STRN3: variants seen among roughly 807,000 people sequenced by gnomAD.
STRN3 encodes striatin 3.
Under a neutral mutation model 95.6 loss-of-function variants are expected in STRN3, and 29 were observed. That is an observed-to-expected ratio of 0.30 (90% CI 0.23 to 0.41). The LOEUF is 0.41. STRN3 is among the 10% of genes least tolerant of loss of function. The pLI, the probability that STRN3 is intolerant of heterozygous loss-of-function variation, is 1.00. For synonymous variants in STRN3, 331 were observed against 357.6 expected, an observed-to-expected ratio of 0.93 and a Z score of 0.84; for missense variants, 890 against 972.1, an observed-to-expected ratio of 0.92 and a Z score of 1.12.
chr14:30,937,100 C>A (rs1209538235), intron 5 of STRN3, among the ~76,000 whole-genome samples: 1 of 151,870 alleles, frequency 6.6e-6, no homozygotes, highest in Non-Finnish European at 1.5e-5. Context: ...AGGGGAAGAT[C>A]GCTTGAGCCT....
intron 8 of STRN3, among the ~76,000 whole-genome samples, chr14:30,925,628 A>G (rs937656815): frequency 6.6e-6 from 1 of 152,214 alleles, no homozygotes; most frequent in Non-Finnish European, 1.5e-5. Context: ...ATTACACAGT[A>G]GGGTGACTAC....
intron 8 of STRN3, among the ~76,000 whole-genome samples, chr14:30,927,188 C>G (rs112024461): frequency 6.6e-6 from 1 of 151,898 alleles, no homozygotes; most frequent in Non-Finnish European, 1.5e-5. Context: ...TGGCACGTGC[C>G]TATAGTCCCA....
chr14:30,924,456 T>C (rs1442808950), intron 8 of STRN3, among the ~76,000 whole-genome samples: 2 of 151,422 alleles, frequency 1.3e-5, no homozygotes, highest in African/African-American at 2.4e-5. Flanking sequence ...GCCCAGCTAA[T>C]TTTTTTTGTA....
At chr14:30,913,052 TC>T (rs1227200931) in intron 10 of STRN3, among the ~76,000 whole-genome samples, 1 of 152,004 alleles carries the variant, frequency 6.6e-6, no homozygotes, top group Admixed American at 6.6e-5. Flanking sequence ...TTCCATCCAC[TC>T]CCCAATCCTC....
At chr14:30,963,111 A>G (rs1880293154) in intron 1 of STRN3, among the ~76,000 whole-genome samples, 1 of 152,208 alleles carries the variant, frequency 6.6e-6, no homozygotes, top group South Asian at 2.1e-4. Flanking sequence ...AGAAGATATT[A>G]CAACTATAAA....
chr14:30,917,325 G>C lies in STRN3; in HGVS notation c.1240+1641C>G, dbSNP rs75623270. On this transcript the variant is annotated intron_variant, in intron 9 of 17. Transcript: ENST00000357479. Reference sequence around the variant, plus strand: ...CATAACACATAAACAAACACACATAGAGAGTTCTAAGTTGGTTTTTGTGTA... The same window carrying C: ...CATAACACATAAACAAACACACATACAGAGTTCTAAGTTGGTTTTTGTGTA... Among the ~76,000 whole-genome samples, 34 of 152,184 alleles carry C rather than the reference G, an allele frequency of 2.2e-4. No homozygotes were observed. In the East Asian group the frequency reaches 6.0e-3, roughly 27 times the overall value.
At position 31,003,796 on chromosome 14, in the gene STRN3, T is replaced by TTAAAAAAAA. The variant is rs71112372; in HGVS notation, c.282+22107_282+22108insTTTTTTTTA. On this transcript the variant is annotated intron_variant, in intron 1 of 17. Coordinates refer to ENST00000357479, the MANE Select transcript of STRN3 (RefSeq NM_001083893.2). Reference sequence around the variant, plus strand: ...ACCTTAATGCAAAACACATCTTTCTTAAAAAAAAAAAAAAAAAAAAACTTG... The same window carrying TTAAAAAAAA: ...ACCTTAATGCAAAACACATCTTTCTTTAAAAAAAAAAAAAAAAAAAAAAAAAAAAACTTG... 6.9e-5 allele frequency among the ~76,000 whole-genome samples: 8 copies of TTAAAAAAAA among 115,486 alleles called. 2 individuals carry two copies. The highest frequency in any genetic ancestry group is 1.8e-4 in the Admixed American group (2 of 10,942). The allele number at this position is 115,486 out of a possible 152,430, so 75.8% of individuals were successfully genotyped here. A position where few individuals can be genotyped will look rare whatever the true frequency, so the allele number is the denominator to read the frequency against.
intron 1 of STRN3, among the ~76,000 whole-genome samples, chr14:30,966,656 T>C (rs1373457873): frequency 1.3e-5 from 2 of 152,186 alleles, no homozygotes; most frequent in Non-Finnish European, 2.9e-5. Context: ...AAGTACTTCC[T>C]TTGTGGTCAA....
intron 7 of STRN3, among the ~76,000 whole-genome samples, chr14:30,930,265 A>G (rs1594452861): frequency 6.6e-6 from 1 of 152,252 alleles, no homozygotes; most frequent in Middle Eastern, 3.4e-3. Context: ...GTGTGGTTTT[A>G]AAACAGCTCA....
At chr14:31,000,232 T>C (rs118162019) in intron 1 of STRN3, among the ~76,000 whole-genome samples, 2 of 121,382 alleles carry the variant, frequency 1.6e-5, no homozygotes, top group Non-Finnish European at 3.2e-5. Flanking sequence ...CTACAAAAGA[T>C]AGTATAAACG....
At chr14:30,947,361 A>G in intron 4 of STRN3, 98 bp from the exon 5 acceptor site, 1 of 918,152 alleles carries the variant, frequency 1.1e-6, no homozygotes, top group Non-Finnish European at 1.6e-6. Flanking sequence ...CCTATAAAAT[A>G]TGCTCTCCCT....
At position 30,906,895 on chromosome 14, in the gene STRN3, T is replaced by G. The variant is rs1896475969; in HGVS notation, c.1870A>C (p.Thr624Pro). ...TACTTACTTTTATCTCCATTGTAAG[T>G]GCAAATACATGGCAATTTTTCTTGT... ...NPQEKLPCICTYNGDKKHGIP... is the reference protein window; with the variant it reads ...NPQEKLPCICPYNGDKKHGIP... Residue 624 changes from threonine to proline, a missense_variant, in exon 14 of 18, where the codon ACT (threonine) becomes CCT (proline). By Grantham distance (38) the Thr-to-Pro change is conservative (BLOSUM62 -1). Coordinates refer to ENST00000357479, the MANE Select transcript of STRN3 (RefSeq NM_001083893.2). The G allele has an allele frequency of 3.7e-6, 6 of 1,612,194 alleles. No homozygotes were observed. Among genetic ancestry groups the G allele is most frequent in the Non-Finnish European group, 5.1e-6 (6 of 1,179,484 alleles).
intron 5 of STRN3, among the ~76,000 whole-genome samples, chr14:30,938,123 T>G (rs1226583103): frequency 6.6e-6 from 1 of 152,090 alleles, no homozygotes; most frequent in African/African-American, 2.4e-5. Flanking sequence ...TGTGGTATTT[T>G]CAATCCATAG....
At chr14:30,921,107 C>CACA (rs55677760) in intron 8 of STRN3, among the ~76,000 whole-genome samples, 2 of 151,266 alleles carry the variant, frequency 1.3e-5, no homozygotes, top group Non-Finnish European at 3.0e-5. Context: ...CACACACACA[C>CACA]TTCCTTATCT....
chr14:31,010,424 T>C (rs897651350), intron 1 of STRN3, among the ~76,000 whole-genome samples: 40 of 135,206 alleles, frequency 3.0e-4, no homozygotes, highest in Middle Eastern at 4.5e-3. Context: ...TGACTATGTA[T>C]TGGCATAAAG....
chr14:30,900,447 G>C (rs568507354), intron 16 of STRN3, among the ~76,000 whole-genome samples: 1 of 148,540 alleles, frequency 6.7e-6, no homozygotes, highest in East Asian at 2.0e-4. Flanking sequence ...GTGGGGCGGG[G>C]GGGGGCGGTG....
chr14:30,979,645 G>C (rs567435822), intron 1 of STRN3, among the ~76,000 whole-genome samples: 1 of 152,106 alleles, frequency 6.6e-6, no homozygotes, highest in Non-Finnish European at 1.5e-5. Context: ...TGTCGCCCAG[G>C]CTGGAGTGCA....
chr14:30,966,705 T>A (rs1216841004), intron 1 of STRN3, among the ~76,000 whole-genome samples: 2 of 152,164 alleles, frequency 1.3e-5, no homozygotes, highest in Non-Finnish European at 2.9e-5. Context: ...TGAATGATCA[T>A]CAACAACCCT....
chr14:31,026,104 G>A lies in STRN3; in HGVS notation c.82C>T (p.Leu28=). 6.6e-7 allele frequency: 1 copy of A among 1,526,484 alleles called. No individual in the cohort carries two copies. Among genetic ancestry groups the A allele is most frequent in the South Asian group, 1.2e-5 (1 of 82,676 alleles). 94.6% of individuals were successfully genotyped at this position (1,526,484 alleles called of 1,614,324 possible). ...CCGTTCCCCCCGGGCGAAAGGCCCA[G>A]GTTCCCCCCAGGTCCCTGCTGCTGC... is the stretch of plus-strand genomic sequence containing the variant. ...PRQQQGPGGN[L]GLSPGGNGAA... Residue 28 remains leucine (L), a synonymous_variant, in exon 1 of 18, where the codon CTG becomes TTG. Coordinates refer to ENST00000357479, the MANE Select transcript of STRN3 (RefSeq NM_001083893.2).
Sources: gnomAD v4.1 joint callset for allele counts (sites outside exome capture counted in the v4.1 genomes callset) on GRCh38, gnomAD v4.1.1 for gene constraint, MANE v1.5 for transcripts, NCBI Gene and HGNC (gene_info 2026-07-23, HGNC 2026-07-21) for gene names.